ZCRB1: variants seen among roughly 807,000 people sequenced by gnomAD.
ZCRB1 encodes zinc finger CCHC-type and RNA-binding motif-containing protein 1.
ZCRB1 carries 21 observed loss-of-function variants against 29.9 expected under a neutral mutation model. The ratio of observed to expected loss-of-function variants is 0.70; its 90% CI spans 0.50 to 1.01. The LOEUF (loss-of-function observed/expected upper bound fraction) is 1.01. ZCRB1 is among the 50% of genes least tolerant of loss of function. ZCRB1 has a pLI of 0.00. For synonymous variants in ZCRB1, 77 were observed against 80.0 expected (o/e 0.96, Z 0.20); for missense variants, 204 against 253.3 (o/e 0.81, Z 1.32).
intron 2 of ZCRB1, 94 bp downstream of exon 2, chr12:42,323,922 GAAA>G: frequency 5.1e-5 from 45 of 881,498 alleles, no homozygotes; most frequent in South Asian, 6.6e-5. Flanking sequence ...CTCAAAAAAA[GAAA>G]AAAAAAAAAA....
chr12:42,325,263 A>G (rs1032100254), intron 1 of ZCRB1: 3 of 151,704 alleles, frequency 2.0e-5, no homozygotes, highest in African/African-American at 7.3e-5. Flanking sequence ...TTGTCTTAAT[A>G]TTTTTTTTCT....
chr12:42,325,236 C>T (rs1404741269), intron 1 of ZCRB1: 4 of 152,108 alleles, frequency 2.6e-5, no homozygotes, highest in Non-Finnish European at 5.9e-5. Context: ...TGTACTATGG[C>T]TGGGTACCTT....
rs1315361145 is a variant in ZCRB1, at chr12:42,312,583, C to T, written c.*484G>A. 1 of 152,114 alleles carries T rather than the reference C, an allele frequency of 6.6e-6. No homozygotes were observed. Among genetic ancestry groups the T allele is most frequent in the East Asian group, 1.9e-4 (1 of 5,200 alleles). The allele number at this position is 152,114 out of a possible 1,614,324, so 9.4% of individuals were successfully genotyped here. The stretch of plus-strand genomic sequence containing the variant: ...ACATGTGTGCACATGTAAGTAGTTT[C>T]TTCTAGGGAATGGAATTTGGTGCTA... On this transcript the variant is annotated 3_prime_UTR_variant, in exon 8 of 8. Coordinates refer to ENST00000266529, the MANE Select transcript of ZCRB1 (RefSeq NM_033114.4).
chr12:42,323,949 T>C, intron 2 of ZCRB1, 70 bp downstream of exon 2: 1 of 1,349,204 alleles, frequency 7.4e-7, no homozygotes, highest in East Asian at 2.3e-5. Flanking sequence ...AAAAAGAATT[T>C]GCCAGGGAGA....
chr12:42,314,777 C>T (rs897900907), intron 5 of ZCRB1, among the ~76,000 whole-genome samples: 2 of 151,940 alleles, frequency 1.3e-5, no homozygotes, highest in African/African-American at 4.8e-5. Flanking sequence ...CATGGGGAAA[C>T]CCTGTCTCTA....
intron 5 of ZCRB1, among the ~76,000 whole-genome samples, chr12:42,315,738 T>C (rs919174083): frequency 2.0e-5 from 3 of 152,176 alleles, no homozygotes; most frequent in African/African-American, 2.4e-5. Context: ...TATGAAGATA[T>C]ATACTAATCT....
At chr12:42,317,484 CA>C in intron 4 of ZCRB1, 37 bp from the exon 5 acceptor site, 1 of 1,440,280 alleles carries the variant, frequency 6.9e-7, no homozygotes, top group Non-Finnish European at 9.5e-7. Flanking sequence ...GAATGTATTT[CA>C]CTGAAACCTA....
intron 3 of ZCRB1, among the ~76,000 whole-genome samples, chr12:42,320,848 T>A (rs1019241276): frequency 2.6e-5 from 4 of 152,232 alleles, no homozygotes; most frequent in Non-Finnish European, 5.9e-5. Flanking sequence ...AATTCTTAAA[T>A]GATTCCTGAT....
intron 1 of ZCRB1, chr12:42,325,211 T>TA: frequency 6.6e-6 from 1 of 152,372 alleles, no homozygotes; most frequent in Non-Finnish European, 1.5e-5. Context: ...AAAAAGTTGT[T>TA]ATGCTGTGCA....
At position 42,324,021 on chromosome 12, in the gene ZCRB1, G is replaced by A. The variant is rs202172513; in HGVS notation, c.82C>T (p.Arg28Trp). Residue 28 changes from arginine (R) to tryptophan (W), a missense_variant and splice_region_variant, in exon 2 of 8, where the codon CGG becomes TGG. Arg to Trp is a moderately radical substitution (Grantham distance 101). Transcript: ENST00000266529. ...GTCACTCGATAAGATTTACTTACCCGGTACAAGTCATTGTTTGTCAGGGAA... is the reference window on the plus strand; with the variant it reads ...GTCACTCGATAAGATTTACTTACCCAGTACAAGTCATTGTTTGTCAGGGAA... The part of the protein sequence containing the change: ...PFSLTNNDLY[R>W]IFSKYGKVVK... 52 of 1,613,062 alleles carry A rather than the reference G, an allele frequency of 3.2e-5. 2 individuals are homozygous for A. In the East Asian group the frequency reaches 5.1e-4, roughly 16 times the overall value.
rs3747560 is a variant in ZCRB1 at position 42,326,088 on chromosome 12, A to G, written c.-167T>C. The G allele has an allele frequency of 0.61, 93,195 of 152,214 alleles. 28,720 individuals are homozygous for G. The highest frequency in any genetic ancestry group is 0.68 in the Admixed American group (10,326 of 15,296). The allele number at this position is 152,214 out of a possible 1,614,324, so 9.4% of individuals were successfully genotyped here. ...ATAGCAGCCACGGTGCTTCTTCCCG[A>G]CTGTTTGAGATCCGGGCCCCGAAGG... On this transcript the variant is annotated 5_prime_UTR_variant, in exon 1 of 8. Coordinates refer to ENST00000266529, the MANE Select transcript of ZCRB1 (RefSeq NM_033114.4).
intron 1 of ZCRB1, among the ~76,000 whole-genome samples, chr12:42,325,073 A>C (rs984949942): frequency 6.6e-6 from 1 of 152,252 alleles, no homozygotes; most frequent in Non-Finnish European, 1.5e-5. Flanking sequence ...TGTAGTGAAT[A>C]ATGTAGACAG....
rs540915358 is a variant in ZCRB1, at chr12:42,312,165, C to A, written c.*902G>T. 4 of 152,050 alleles carry A rather than the reference C, an allele frequency of 2.6e-5. No individual in the cohort carries two copies. In the East Asian group the frequency reaches 5.8e-4, roughly 22 times the overall value. The allele number at this position is 152,050 out of a possible 1,614,324, so 9.4% of individuals were successfully genotyped here. ...TTACTATGATAGTATTAACTTATTT[C>A]TATTGCTTTTACTAGTTAAAAAAGT... On this transcript the variant is annotated 3_prime_UTR_variant, in exon 8 of 8. Coordinates refer to ENST00000266529, the MANE Select transcript of ZCRB1 (RefSeq NM_033114.4).
intron 1 of ZCRB1, among the ~76,000 whole-genome samples, 192 bp from the exon 2 acceptor site, chr12:42,324,296 C>G (rs2068643906): frequency 6.6e-6 from 1 of 152,056 alleles, no homozygotes; most frequent in East Asian, 1.9e-4. Context: ...TTATAGGCAT[C>G]CACTACCATG....
intron 3 of ZCRB1, among the ~76,000 whole-genome samples, chr12:42,318,354 T>C (rs1039203593): frequency 2.0e-5 from 3 of 152,120 alleles, no homozygotes; most frequent in Non-Finnish European, 2.9e-5. Context: ...CCAGAGCTGG[T>C]TGTGGTGGTG....
chr12:42,325,514 T>C (rs1389972332), intron 1 of ZCRB1: 1 of 152,196 alleles, frequency 6.6e-6, no homozygotes, highest in East Asian at 1.9e-4. Context: ...TCACATCTTA[T>C]CTTACAAAGT....
chr12:42,313,405 AT>A (rs1157201740), intron 7 of ZCRB1, among the ~76,000 whole-genome samples: 2 of 152,184 alleles, frequency 1.3e-5, no homozygotes, highest in Non-Finnish European at 2.9e-5. Flanking sequence ...TCTTAAAAAA[AT>A]CTTTTCTGTT....
chr12:42,323,968 C>T, intron 2 of ZCRB1, 51 bp downstream of exon 2: 1 of 1,480,304 alleles, frequency 6.8e-7, no homozygotes, highest in South Asian at 1.2e-5. Flanking sequence ...GAACTATTTG[C>T]TTAAGGTTAT....
At chr12:42,320,775 C>CT (rs2068617477) in intron 3 of ZCRB1, among the ~76,000 whole-genome samples, 1 of 152,156 alleles carries the variant, frequency 6.6e-6, no homozygotes, top group South Asian at 2.1e-4. Context: ...CCCCTCCAAT[C>CT]TAATTTCTAC....
Sources: gnomAD v4.1 joint callset for allele counts (sites outside exome capture counted in the v4.1 genomes callset) on GRCh38, gnomAD v4.1.1 for gene constraint, MANE v1.5 for transcripts, NCBI Gene and HGNC (gene_info 2026-07-23, HGNC 2026-07-21) for gene names.